The following CCSER1 variants were observed in gnomAD, a reference collection of about 807,000 sequenced individuals.
CCSER1 encodes the protein coiled-coil serine rich protein 1.
A neutral mutation model predicts 82.0 loss-of-function variants in CCSER1; 41 were observed. The observed-to-expected ratio is 0.50, with a 90% CI of 0.39 to 0.65. CCSER1 has a LOEUF of 0.65. CCSER1 is among the 30% of genes least tolerant of loss of function. CCSER1 has a pLI of 0.00. For synonymous variants in CCSER1, 414 were observed against 383.9 expected (o/e 1.08, Z -0.92); for missense variants, 1,119 against 1,064.2 (o/e 1.05, Z -0.72).
intron 5 of CCSER1, among the ~76,000 whole-genome samples, chr4:90,514,873 C>A (rs1772045148): frequency 6.9e-6 from 1 of 144,800 alleles, no homozygotes; most frequent in Admixed American, 6.9e-5. Context: ...TAGTTAATTA[C>A]TTTTTTTTTT....
intron 9 of CCSER1, among the ~76,000 whole-genome samples, chr4:91,054,310 C>T (rs1743251745): frequency 6.6e-6 from 1 of 152,188 alleles, no homozygotes; most frequent in South Asian, 2.1e-4. Context: ...CTCAAATTCA[C>T]CTTGAAGGCT....
intron 3 of CCSER1, among the ~76,000 whole-genome samples, chr4:90,325,216 C>T (rs1167468141): frequency 6.6e-6 from 1 of 152,078 alleles, no homozygotes; most frequent in Non-Finnish European, 1.5e-5. Context: ...TGCTCTACCT[C>T]CTACATTATT....
chr4:91,515,092 C>T (rs1171631544), intron 10 of CCSER1, among the ~76,000 whole-genome samples: 3 of 152,142 alleles, frequency 2.0e-5, no homozygotes, highest in Admixed American at 1.3e-4. Flanking sequence ...ATTTAACTAT[C>T]ACATATGGTA....
intron 5 of CCSER1, among the ~76,000 whole-genome samples, chr4:90,529,597 A>C (rs1774236163): frequency 6.6e-6 from 1 of 152,166 alleles, no homozygotes; most frequent in Admixed American, 6.6e-5. Flanking sequence ...CCCCTGTTTT[A>C]TCTCTAATAA....
intron 10 of CCSER1, among the ~76,000 whole-genome samples, chr4:91,300,307 T>A (rs574886995): frequency 1.4e-3 from 207 of 152,074 alleles, no homozygotes; most frequent in Admixed American, 4.1e-3. Context: ...AAATGTCTAG[T>A]TTTGGTATCT....
At chr4:91,069,326 G>A (rs987359107) in intron 9 of CCSER1, among the ~76,000 whole-genome samples, 2 of 151,732 alleles carry the variant, frequency 1.3e-5, no homozygotes, top group Admixed American at 6.6e-5. Context: ...CAAGGTTAGC[G>A]AGAGAAAAGA....
At chr4:91,420,448 A>G (rs189402524) in intron 10 of CCSER1, among the ~76,000 whole-genome samples, 101 of 152,284 alleles carry the variant, frequency 6.6e-4, no homozygotes, top group Non-Finnish European at 1.1e-3. Flanking sequence ...GGTACTCAAC[A>G]TCATTAATTG....
intron 5 of CCSER1, among the ~76,000 whole-genome samples, chr4:90,601,242 G>A (rs1171495639): frequency 6.6e-6 from 1 of 151,822 alleles, no homozygotes; most frequent in South Asian, 2.1e-4. Context: ...TAATCTTCAG[G>A]TGAAGCATTT....
intron 1 of CCSER1, among the ~76,000 whole-genome samples, chr4:90,184,612 A>G (rs1734283911): frequency 3.3e-5 from 5 of 152,112 alleles, no homozygotes; most frequent in Non-Finnish European, 7.4e-5. Context: ...TTAAACATAC[A>G]ACTCAAATTA....
chr4:90,812,761 G>C (rs1758516853), intron 7 of CCSER1, among the ~76,000 whole-genome samples: 1 of 152,050 alleles, frequency 6.6e-6, no homozygotes, highest in Admixed American at 6.5e-5. Flanking sequence ...GGGGAAGCAA[G>C]GTACTTCTTC....
intron 10 of CCSER1, among the ~76,000 whole-genome samples, chr4:91,493,888 CT>C (rs1758680489): frequency 1.3e-5 from 2 of 151,660 alleles, no homozygotes; most frequent in South Asian, 4.1e-4. Flanking sequence ...GGCATGATAA[CT>C]TTCACTCTGT....
At chr4:91,217,927 G>C (rs1468362899) in intron 10 of CCSER1, among the ~76,000 whole-genome samples, 1 of 152,234 alleles carries the variant, frequency 6.6e-6, no homozygotes, top group Non-Finnish European at 1.5e-5. Flanking sequence ...CCCGCACCGG[G>C]GCTGCAGGTG....
At chr4:90,261,908 G>T (rs1724392938) in intron 1 of CCSER1, among the ~76,000 whole-genome samples, 1 of 151,908 alleles carries the variant, frequency 6.6e-6, no homozygotes, top group South Asian at 2.1e-4. Context: ...GTTACATTTT[G>T]TATTTCCCTA....
chr4:91,212,328 G>T (rs1303419467), intron 10 of CCSER1, among the ~76,000 whole-genome samples: 1 of 151,956 alleles, frequency 6.6e-6, no homozygotes, highest in Non-Finnish European at 1.5e-5. Flanking sequence ...AGCTGCTTTT[G>T]AGATCCTTGG....
chr4:91,562,364 T>A (rs1216837821), intron 10 of CCSER1, among the ~76,000 whole-genome samples: 1 of 151,534 alleles, frequency 6.6e-6, no homozygotes, highest in Non-Finnish European at 1.5e-5. Context: ...GTACTAAGTA[T>A]CTTTATATAA....
intron 5 of CCSER1, among the ~76,000 whole-genome samples, chr4:90,532,862 A>G (rs927848289): frequency 4.6e-5 from 7 of 152,132 alleles, no homozygotes; most frequent in Non-Finnish European, 8.8e-5. Context: ...TCTCCCAAGT[A>G]TCTATCTTGG....
intron 3 of CCSER1, among the ~76,000 whole-genome samples, chr4:90,327,063 G>A (rs997810626): frequency 1.3e-5 from 2 of 152,130 alleles, no homozygotes; most frequent in Non-Finnish European, 2.9e-5. Context: ...TGTTTGCTAG[G>A]AAGTCTGTCA....
chr4:91,468,932 C>T (rs1757108605), intron 10 of CCSER1, among the ~76,000 whole-genome samples: 1 of 151,986 alleles, frequency 6.6e-6, no homozygotes, highest in African/African-American at 2.4e-5. Context: ...GATATTAGGC[C>T]AAAATTCAAT....
chr4:90,537,531 A>T, intron 5 of CCSER1, among the ~76,000 whole-genome samples: 1 of 151,758 alleles, frequency 6.6e-6, no homozygotes, highest in East Asian at 1.9e-4. Context: ...TGAATTTCTG[A>T]TTCGATAGTT....
Sources: gnomAD v4.1 joint callset for allele counts (sites outside exome capture counted in the v4.1 genomes callset) on GRCh38, gnomAD v4.1.1 for gene constraint, MANE v1.5 for transcripts, NCBI Gene and HGNC (gene_info 2026-07-23, HGNC 2026-07-21) for gene names.